The following HNRNPM variants were observed in gnomAD, a reference collection of about 807,000 sequenced individuals.
The protein encoded by HNRNPM is heterogeneous nuclear ribonucleoprotein M, also known as CEA receptor.
A neutral mutation model predicts 73.1 loss-of-function variants in HNRNPM; 11 were observed. The ratio of observed to expected loss-of-function variants is 0.15; its 90% CI spans 0.09 to 0.25. HNRNPM has a LOEUF of 0.25. Ranked by LOEUF, HNRNPM falls within the 10% of genes least tolerant of loss-of-function variation. The pLI is 1.00. For synonymous variants in HNRNPM, 407 were observed against 355.2 expected (o/e 1.15, Z -1.64); for missense variants, 789 against 1,067.9 (o/e 0.74, Z 3.64).
intron 15 of HNRNPM, 176 bp from the exon 16 acceptor site, chr19:8,488,515 A>G (rs1010713323): frequency 7.7e-6 from 4 of 519,826 alleles, no homozygotes; most frequent in African/African-American, 3.8e-5. Flanking sequence ...GGGCAGGGGC[A>G]GGCTCTGTTA....
intron 13 of HNRNPM, among the ~76,000 whole-genome samples, chr19:8,483,617 A>G (rs982882563): frequency 1.3e-4 from 20 of 152,234 alleles, no homozygotes; most frequent in Admixed American, 9.8e-4. Flanking sequence ...CCAACAAGTA[A>G]TAAATGCTTG....
intron 2 of HNRNPM, among the ~76,000 whole-genome samples, chr19:8,456,616 G>A (rs190405712): frequency 3.9e-5 from 6 of 152,302 alleles, no homozygotes; most frequent in East Asian, 1.9e-4. Flanking sequence ...GAGATGCCCC[G>A]TGGATAGGCC....
chr19:8,477,012 T>C (rs1443874639), intron 12 of HNRNPM, among the ~76,000 whole-genome samples: 1 of 152,158 alleles, frequency 6.6e-6, no homozygotes, highest in Non-Finnish European at 1.5e-5. Context: ...AGCCAGTCCT[T>C]GTTAATTCAT....
intron 7 of HNRNPM, 149 bp downstream of exon 7, chr19:8,466,537 T>C (rs915619316): frequency 5.7e-6 from 5 of 871,818 alleles, no homozygotes; most frequent in Admixed American, 2.4e-5. Flanking sequence ...TAAGAGGTTC[T>C]CTGGGCCGGA....
intron 12 of HNRNPM, among the ~76,000 whole-genome samples, chr19:8,479,800 A>G (rs1179319498): frequency 2.3e-5 from 3 of 129,514 alleles, no homozygotes; most frequent in African/African-American, 8.8e-5. Context: ...TTTGCGACAG[A>G]GTCTCGCTCT....
intron 5 of HNRNPM, among the ~76,000 whole-genome samples, 158 bp from the exon 6 acceptor site, chr19:8,465,166 T>G (rs1969659895): frequency 6.6e-6 from 1 of 152,216 alleles, no homozygotes; most frequent in South Asian, 2.1e-4. Flanking sequence ...TCTTCTAAGC[T>G]GGTAGTTGAG....
intron 6 of HNRNPM, 129 bp downstream of exon 6, chr19:8,465,644 T>C (rs565092662): frequency 7.1e-4 from 514 of 722,590 alleles, no homozygotes; most frequent in Non-Finnish European, 1.0e-3. Flanking sequence ...TCTTGATTTC[T>C]TTAAAAATCA....
intron 1 of HNRNPM, among the ~76,000 whole-genome samples, chr19:8,449,936 T>C (rs1968487780): frequency 6.6e-6 from 1 of 152,236 alleles, no homozygotes; most frequent in African/African-American, 2.4e-5. Flanking sequence ...CATGCAGTAC[T>C]GCTTCCCTAG....
intron 14 of HNRNPM, 48 bp from the exon 15 acceptor site, chr19:8,486,976 G>A (rs773808922): frequency 6.8e-7 from 1 of 1,479,130 alleles, no homozygotes; most frequent in Non-Finnish European, 9.5e-7. Context: ...GCATGCCTTA[G>A]GATTTGGTTT....
At chr19:8,465,726 C>A (rs1969698506) in intron 6 of HNRNPM, among the ~76,000 whole-genome samples, 1 of 152,084 alleles carries the variant, frequency 6.6e-6, no homozygotes, top group African/African-American at 2.4e-5. Context: ...GCTGTGATTC[C>A]TGAGTTTCGC....
At chr19:8,472,467 G>C (rs1055646609) in intron 10 of HNRNPM, among the ~76,000 whole-genome samples, 1 of 152,076 alleles carries the variant, frequency 6.6e-6, no homozygotes, top group African/African-American at 2.4e-5. Flanking sequence ...CGTTTCCCCC[G>C]ACCCAAAACA....
chr19:8,448,854 T>G (rs1968410656), intron 1 of HNRNPM, among the ~76,000 whole-genome samples: 1 of 152,118 alleles, frequency 6.6e-6, no homozygotes, highest in Non-Finnish European at 1.5e-5. Flanking sequence ...AAATATATAT[T>G]TAGGGTAGAT....
chr19:8,450,582 T>C (rs1034060477), intron 1 of HNRNPM, among the ~76,000 whole-genome samples: 13 of 152,136 alleles, frequency 8.5e-5, no homozygotes, highest in African/African-American at 3.1e-4. Context: ...GCTAATATTT[T>C]GTAGAGATGG....
Position 8,471,306 on chromosome 19 carries a change from T to G in HNRNPM, c.896-20T>G, listed in dbSNP as rs145645068. 6,482 of 1,493,126 alleles carry G rather than the reference T, an allele frequency of 4.3e-3. 68 individuals carry two copies. The highest frequency in any genetic ancestry group is 0.035 in the Admixed American group (1,652 of 47,722). 92.5% of individuals were successfully genotyped at this position (1,493,126 alleles called of 1,614,324 possible). A position where few individuals can be genotyped will look rare whatever the true frequency, so the allele number is the denominator to read the frequency against. ...TTGCTAAATAGGGGAAAACTAAGCT[T>G]CTTTCTCTTTTCTTTCCAGATGGCC... is the stretch of plus-strand genomic sequence containing the variant. On this transcript the variant is annotated intron_variant, in intron 9 of 15. Coordinates refer to ENST00000325495, the MANE Select transcript of HNRNPM (RefSeq NM_005968.5).
chr19:8,474,684 T>C (rs1208963077), intron 12 of HNRNPM, among the ~76,000 whole-genome samples: 1 of 151,338 alleles, frequency 6.6e-6, no homozygotes, highest in East Asian at 1.9e-4. Flanking sequence ...ATGCAAATTC[T>C]GGTTTAGTAT....
intron 12 of HNRNPM, among the ~76,000 whole-genome samples, chr19:8,477,420 G>A (rs1257954777): frequency 6.6e-6 from 1 of 152,150 alleles, no homozygotes; most frequent in Non-Finnish European, 1.5e-5. Context: ...CACTTTGGGA[G>A]GCTGAGGCAG....
chr19:8,445,253 C>A, intron 1 of HNRNPM, 142 bp downstream of exon 1: 2 of 720,802 alleles, frequency 2.8e-6, no homozygotes, highest in Non-Finnish European at 4.0e-6. Flanking sequence ...CTCAGGGTAG[C>A]GGCGTCTAGG....
chr19:8,463,542 TC>T (rs746553807), intron 4 of HNRNPM, 38 bp downstream of exon 4: 1 of 1,613,656 alleles, frequency 6.2e-7, no homozygotes, highest in South Asian at 1.1e-5. Context: ...ATTTGAGCCT[TC>T]TAACTTGTAG....
At chr19:8,475,938 A>G (rs929057908) in intron 12 of HNRNPM, among the ~76,000 whole-genome samples, 2 of 131,086 alleles carry the variant, frequency 1.5e-5, no homozygotes, top group African/African-American at 5.7e-5. Context: ...TTAAGAACAG[A>G]TTAGTCATTA....
Sources: allele counts gnomAD v4.1 joint callset (sites outside exome capture counted in the v4.1 genomes callset), GRCh38; gene constraint gnomAD v4.1.1; transcripts MANE v1.5; gene names NCBI Gene and HGNC (gene_info 2026-07-23, HGNC 2026-07-21).